The following LMO7 variants were observed in gnomAD, a reference collection of about 807,000 sequenced individuals.
LMO7 encodes the protein LIM domain 7.
LMO7 carries 120 observed loss-of-function variants against 206.5 expected under a neutral mutation model. The observed-to-expected ratio is 0.58, with a 90% CI of 0.50 to 0.68. The LOEUF (loss-of-function observed/expected upper bound fraction) is 0.68, where lower values mean the gene tolerates loss of function less well. Among genes scored for constraint, LMO7 ranks in the 30% least tolerant of loss-of-function variants. The pLI, the probability that LMO7 is intolerant of heterozygous loss-of-function variation, is 0.00. For synonymous variants in LMO7, 706 were observed against 681.5 expected (o/e 1.04, Z -0.56); for missense variants, 1,959 against 1,957.9 (o/e 1.00, Z -0.01).
intron 2 of LMO7, among the ~76,000 whole-genome samples, chr13:75,717,024 A>G (rs1431943043): frequency 1.3e-5 from 2 of 151,538 alleles, no homozygotes; most frequent in Admixed American, 1.3e-4. Context: ...ACAGTCAGCT[A>G]TGCATCAGAA....
intron 4 of LMO7, among the ~76,000 whole-genome samples, chr13:75,784,253 G>A (rs111412436): frequency 1.3e-3 from 197 of 152,188 alleles, no homozygotes; most frequent in African/African-American, 3.7e-3. Context: ...ATATTATCTC[G>A]ATTAACCTTT....
intron 1 of LMO7, among the ~76,000 whole-genome samples, chr13:75,698,708 C>T (rs183798598): frequency 1.0e-4 from 15 of 150,564 alleles, no homozygotes; most frequent in Non-Finnish European, 1.9e-4. Flanking sequence ...TGAGATGGTG[C>T]GAAAGGTCTT....
chr13:75,761,126 G>C, intron 4 of LMO7, 88 bp downstream of exon 4: 1 of 835,646 alleles, frequency 1.2e-6, no homozygotes, highest in East Asian at 2.7e-5. Context: ...GAGAGTTCAT[G>C]ATTACAGAAA....
At chr13:75,809,849 T>TTTTTA (rs1491263223) in intron 11 of LMO7, among the ~76,000 whole-genome samples, 1 of 137,634 alleles carries the variant, frequency 7.3e-6, no homozygotes, top group African/African-American at 2.6e-5. Context: ...TTTTTTTTTT[T>TTTTTA]GAGATGGAGT....
chr13:75,636,449 C>T lies in LMO7; in HGVS notation c.-209C>T. ...GTCGCTTTCAGGAGTTTAGAGAAAG[C>T]CAGGTCTTCACGTTCGTGTAGGTTC... On this transcript the variant is annotated 5_prime_UTR_variant, in exon 1 of 31. Transcript: ENST00000377534. 1 of 1,410,102 alleles carries T rather than the reference C, an allele frequency of 7.1e-7. No individual in the cohort carries two copies. The highest frequency in any genetic ancestry group is 9.2e-7 in the Non-Finnish European group (1 of 1,087,152). 87.3% of individuals were successfully genotyped at this position (1,410,102 alleles called of 1,614,324 possible).
chr13:75,717,874 T>C (rs1418175282), intron 2 of LMO7, among the ~76,000 whole-genome samples: 1 of 152,240 alleles, frequency 6.6e-6, no homozygotes, highest in Non-Finnish European at 1.5e-5. Flanking sequence ...AGGAGGACAG[T>C]TGCTTACATA....
Position 75,849,257 on chromosome 13 carries a change from C to A in LMO7, c.4329C>A (p.Asn1443Lys). 1 of 1,614,070 alleles carries A rather than the reference C, an allele frequency of 6.2e-7. No individual in the cohort carries two copies. The highest frequency in any genetic ancestry group is 8.5e-7 in the Non-Finnish European group (1 of 1,179,954). Reference protein sequence around the residue: ...SWIRQRSASVNKEPVSLPGIM... With the variant: ...SWIRQRSASVKKEPVSLPGIM... ...TCCGACAGCGCAGTGCCAGTGTCAA[C>A]AAAGAGCCTGTTAGTCTTCCTGGGA... The change falls in exon 27 of 31, where the codon AAC (asparagine) becomes AAA (lysine). Residue 1443 changes from asparagine (N) to lysine (K), a missense_variant. Physicochemically the swap from Asn to Lys is moderately conservative, Grantham distance 94. Coordinates refer to ENST00000377534, the MANE Select transcript of LMO7 (RefSeq NM_001306080.2).
At chr13:75,630,931 C>T (rs1443034495) in intron 2 of LMO7, among the ~76,000 whole-genome samples, 1 of 152,196 alleles carries the variant, frequency 6.6e-6, no homozygotes, top group Non-Finnish European at 1.5e-5. Flanking sequence ...GCTGGGATTA[C>T]AGGCGTGAGC....
chr13:75,678,363 G>A (rs1467460425), intron 1 of LMO7, among the ~76,000 whole-genome samples: 1 of 152,170 alleles, frequency 6.6e-6, no homozygotes, highest in Non-Finnish European at 1.5e-5. Context: ...ATCTCATTGT[G>A]GTTTTGATTT....
chr13:75,687,686 TCTA>T (rs1566310699), intron 1 of LMO7, among the ~76,000 whole-genome samples: 1 of 152,216 alleles, frequency 6.6e-6, no homozygotes, highest in Non-Finnish European at 1.5e-5. Flanking sequence ...AAATATTAAT[TCTA>T]CTGTCTCCCA....
intron 1 of LMO7, among the ~76,000 whole-genome samples, chr13:75,700,418 T>G (rs1056827796): frequency 1.3e-5 from 2 of 152,376 alleles, no homozygotes; most frequent in East Asian, 1.9e-4. Context: ...TAAATGTACA[T>G]GAAATCTTCA....
chr13:75,800,709 A>C lies in LMO7; in HGVS notation c.488A>C (p.Lys163Thr), dbSNP rs1566486949. 1 of 1,614,088 alleles carries C rather than the reference A, an allele frequency of 6.2e-7. No homozygotes were observed. Among genetic ancestry groups the C allele is most frequent in the Non-Finnish European group, 8.5e-7 (1 of 1,179,938 alleles). Residue 163 changes from lysine to threonine, a missense_variant, in exon 7 of 31, where the codon AAA becomes ACA. Lys to Thr is a moderately conservative substitution (Grantham distance 78, BLOSUM62 -1). Coordinates refer to ENST00000377534, the MANE Select transcript of LMO7 (RefSeq NM_001306080.2). ...GCACTCGAAGACTCCAGCTTCCTGA[A>C]AAGAAGTGGCAGGGACAGTGGCTAC... is the stretch of plus-strand genomic sequence containing the variant. ...TKALEDSSFLKRSGRDSGYGD... is the reference protein window; with the variant it reads ...TKALEDSSFLTRSGRDSGYGD...
rs998769568 is a variant in LMO7, at chr13:75,795,338, T to C, written c.318-63T>C. On this transcript the variant is annotated intron_variant, in intron 4 of 30. Transcript: ENST00000377534. ...TTTAGAATAAAAATGAGTTTTTTTC[T>C]AGCTATAATTAATAATTTAAGGTTC... 7 of 1,116,186 alleles carry C rather than the reference T, an allele frequency of 6.3e-6. No individual in the cohort carries two copies. In the African/African-American group the frequency reaches 8.0e-5, roughly 13 times the overall value. 69.1% of individuals were successfully genotyped at this position (1,116,186 alleles called of 1,614,324 possible).
At chr13:75,642,776 G>A (rs2036665782) in intron 1 of LMO7, among the ~76,000 whole-genome samples, 2 of 152,102 alleles carry the variant, frequency 1.3e-5, no homozygotes. Flanking sequence ...CCACATTCTG[G>A]CCCAAATTAG....
chr13:75,851,233 G>A lies in LMO7; in HGVS notation c.4365-1859G>A, dbSNP rs565698758. Among the ~76,000 whole-genome samples the A allele has an allele frequency of 7.9e-5, 12 of 152,316 alleles. No homozygotes were observed. In the South Asian group the frequency reaches 1.9e-3, roughly 24 times the overall value. ...AGTCTTATCATATGAGCAGAATGAC[G>A]ATAGTTCTAAGATAATACATATTAA... On this transcript the variant is annotated intron_variant, in intron 27 of 30. Transcript: ENST00000377534.
intron 1 of LMO7, among the ~76,000 whole-genome samples, chr13:75,685,435 AAG>A (rs1198965873): frequency 6.6e-6 from 1 of 152,200 alleles, no homozygotes; most frequent in Admixed American, 6.5e-5. Flanking sequence ...AAGAATGCCA[AAG>A]AGAGAGACCA....
chr13:75,677,992 A>G (rs2040168732), intron 1 of LMO7, among the ~76,000 whole-genome samples: 1 of 152,036 alleles, frequency 6.6e-6, no homozygotes, highest in Non-Finnish European at 1.5e-5. Context: ...TTATGCCTGT[A>G]TAGTATTCCA....
At chr13:75,674,102 A>T (rs1187688078) in intron 1 of LMO7, among the ~76,000 whole-genome samples, 1 of 152,238 alleles carries the variant, frequency 6.6e-6, no homozygotes, top group African/African-American at 2.4e-5. Context: ...CAATTTCATA[A>T]ATTTGAATAC....
rs2045041757 is a variant in LMO7 at position 75,730,436 on chromosome 13, C to T, written c.210+3338C>T. Among the ~76,000 whole-genome samples the T allele has an allele frequency of 3.3e-5, 5 of 152,266 alleles. No homozygotes were observed. In the South Asian group the frequency reaches 8.3e-4, roughly 25 times the overall value. On this transcript the variant is annotated intron_variant, in intron 3 of 30. Coordinates refer to ENST00000377534, the MANE Select transcript of LMO7 (RefSeq NM_001306080.2). ...TGCGTAGAGGGTTTTGTAGTATTCT[C>T]TGATGGTAGTTTGTATTTCTGTGGG... is the stretch of plus-strand genomic sequence containing the variant.
Sources: gnomAD v4.1 joint callset for allele counts (sites outside exome capture counted in the v4.1 genomes callset) on GRCh38, gnomAD v4.1.1 for gene constraint, MANE v1.5 for transcripts, NCBI Gene and HGNC (gene_info 2026-07-23, HGNC 2026-07-21) for gene names.